Variants in MICAL3 observed in about 807,000 individuals in gnomAD.
MICAL3 encodes the protein [F-actin]-monooxygenase MICAL3.
Under a neutral mutation model 207.4 loss-of-function variants are expected in MICAL3, and 62 were observed. That is an observed-to-expected ratio of 0.30 (90% CI 0.24 to 0.37). The LOEUF (loss-of-function observed/expected upper bound fraction) is 0.37. Among genes scored for constraint, MICAL3 ranks in the 10% least tolerant of loss-of-function variants. The pLI, the probability that MICAL3 is intolerant of heterozygous loss-of-function variation, is 1.00. For synonymous variants in MICAL3, 1,077 were observed against 1,069.3 expected (o/e 1.01, Z -0.14); for missense variants, 2,368 against 2,635.6 (o/e 0.90, Z 2.22).
intron 1 of MICAL3, among the ~76,000 whole-genome samples, chr22:17,915,595 T>C (rs1261838379): frequency 6.6e-6 from 1 of 152,118 alleles, no homozygotes; most frequent in Non-Finnish European, 1.5e-5. Context: ...TGGAACAGAA[T>C]ATGGGGTTTC....
At chr22:17,997,544 C>T (rs1388028894) in intron 1 of MICAL3, among the ~76,000 whole-genome samples, 2 of 152,178 alleles carry the variant, frequency 1.3e-5, no homozygotes, top group African/African-American at 4.8e-5. Context: ...CACCTCCCAT[C>T]AGACCTGGGG....
Position 17,818,878 on chromosome 22 carries a change from G to A in MICAL3, c.3783C>T (p.Cys1261=), listed in dbSNP as rs751825681. ...CCTCGGTGGAAGGCTGGGGCTGGGAGCAGATGGGGAGTGGGCTGGGTGGGG... is the reference window on the plus strand; with the variant it reads ...CCTCGGTGGAAGGCTGGGGCTGGGAACAGATGGGGAGTGGGCTGGGTGGGG... The part of the protein sequence containing the change: ...STPPPSPLPI[C]SQPQPSTEAT... The change falls in exon 26 of 32, where the codon TGC becomes TGT. Residue 1261 remains cysteine (C), a synonymous_variant. Transcript: ENST00000441493. The A allele has an allele frequency of 6.5e-7, 1 of 1,545,056 alleles. No homozygotes were observed. Among genetic ancestry groups the A allele is most frequent in the Non-Finnish European group, 8.8e-7 (1 of 1,142,234 alleles).
rs201198558 is a variant in MICAL3 at position 18,021,206 on chromosome 22, C to T, written c.-75+3075G>A. 1.8e-4 allele frequency among the ~76,000 whole-genome samples: 28 copies of T among 152,260 alleles called. No homozygotes were observed. The East Asian group carries it at 5.0e-3, about 27-fold the overall frequency. On this transcript the variant is annotated intron_variant, in intron 1 of 31. Transcript: ENST00000441493. Reference sequence around the variant, plus strand: ...AGAGAATAGATATTGGTGGTCGTGGCAGGGAGGGGTAATAGAAATGAGATA... The same window carrying T: ...AGAGAATAGATATTGGTGGTCGTGGTAGGGAGGGGTAATAGAAATGAGATA...
chr22:18,001,023 G>A (rs1289204338), intron 1 of MICAL3: 4 of 151,858 alleles, frequency 2.6e-5, no homozygotes, highest in Non-Finnish European at 4.4e-5. Flanking sequence ...CCTCCCGCCT[G>A]AAGCGGGCAG....
At chr22:17,863,277 A>G (rs1382605146) in intron 19 of MICAL3, 6 of 985,292 alleles carry the variant, frequency 6.1e-6, no homozygotes, top group Non-Finnish European at 6.0e-6. Context: ...TGGAAAGTTT[A>G]GTTTCTTTTG....
intron 1 of MICAL3, among the ~76,000 whole-genome samples, chr22:17,975,547 G>C (rs992556948): frequency 1.3e-5 from 2 of 152,032 alleles, no homozygotes; most frequent in East Asian, 3.9e-4. Flanking sequence ...ATACTCACTT[G>C]TTCAGATTAT....
At chr22:17,905,153 G>A (rs1006268031) in intron 2 of MICAL3, among the ~76,000 whole-genome samples, 1 of 152,162 alleles carries the variant, frequency 6.6e-6, no homozygotes, top group East Asian at 1.9e-4. Flanking sequence ...CTCAACAAAC[G>A]ATATGACAAT....
chr22:17,846,272 G>A (rs983873988), intron 19 of MICAL3, among the ~76,000 whole-genome samples: 4 of 152,160 alleles, frequency 2.6e-5, no homozygotes, highest in African/African-American at 7.2e-5. Flanking sequence ...GGCCATTGCC[G>A]GGGGTTCAGT....
chr22:17,926,243 A>C (rs1932922571), intron 1 of MICAL3, among the ~76,000 whole-genome samples: 1 of 152,210 alleles, frequency 6.6e-6, no homozygotes, highest in African/African-American at 2.4e-5. Flanking sequence ...CACCATCCTC[A>C]ACCTTGGCAT....
chr22:17,895,624 A>C (rs1259066041), intron 9 of MICAL3, among the ~76,000 whole-genome samples: 6 of 152,024 alleles, frequency 3.9e-5, no homozygotes, highest in Admixed American at 3.3e-4. Flanking sequence ...CCGAGGAGAG[A>C]GAGCAGGCAC....
At chr22:17,875,853 G>A (rs187691395) in intron 16 of MICAL3, among the ~76,000 whole-genome samples, 12 of 152,296 alleles carry the variant, frequency 7.9e-5, no homozygotes, top group African/African-American at 2.9e-4. Flanking sequence ...GAATGGGTAA[G>A]GCAGCCTGCA....
At chr22:17,798,697 A>G (rs1209403622) in intron 29 of MICAL3, among the ~76,000 whole-genome samples, 11 of 137,346 alleles carry the variant, frequency 8.0e-5, no homozygotes, top group African/African-American at 2.7e-4. Flanking sequence ...TTTTTGAGAC[A>G]GAGTCTCCCT....
At chr22:17,928,406 A>T (rs894933785) in intron 1 of MICAL3, among the ~76,000 whole-genome samples, 23 of 151,424 alleles carry the variant, frequency 1.5e-4, no homozygotes, top group Non-Finnish European at 2.1e-4. Flanking sequence ...ACCACTGCAC[A>T]CCAGCCTGGG....
intron 1 of MICAL3, among the ~76,000 whole-genome samples, chr22:17,974,554 G>A (rs527625050): frequency 6.6e-6 from 1 of 151,684 alleles, no homozygotes; most frequent in East Asian, 1.9e-4. Context: ...GCAAAACCTT[G>A]TCTCTACTAA....
At chr22:18,015,678 C>T (rs148802743) in intron 1 of MICAL3, among the ~76,000 whole-genome samples, 36 of 152,194 alleles carry the variant, frequency 2.4e-4, no homozygotes, top group African/African-American at 7.7e-4. Flanking sequence ...TCCGACCACG[C>T]GCGACCCTAA....
rs916421495 is a variant in MICAL3, at chr22:17,973,063, C to T, written c.-75+51218G>A. ...CAATAGTTCTCAGTTCTTTAAGGAG[C>T]ATCCTGTGACTCCGAGCCTACTTGC... On this transcript the variant is annotated intron_variant, in intron 1 of 31. Transcript: ENST00000441493. 2.6e-5 allele frequency among the ~76,000 whole-genome samples: 4 copies of T among 152,382 alleles called. No individual in the cohort carries two copies. The East Asian group carries it at 5.8e-4, about 22-fold the overall frequency.
At chr22:17,893,709 TCGGCCACTGCCTCGGAC>T in intron 11 of MICAL3, 82 bp downstream of exon 11, 1 of 863,076 alleles carries the variant, frequency 1.2e-6, no homozygotes, top group South Asian at 1.5e-5. Flanking sequence ...AGACAGTACT[TCGGCCACTGCCTCGGAC>T]CGCACCTTGT....
At chr22:17,917,951 G>C (rs1932640760) in intron 1 of MICAL3, among the ~76,000 whole-genome samples, 1 of 152,234 alleles carries the variant, frequency 6.6e-6, no homozygotes, top group Admixed American at 6.5e-5. Context: ...TGAGCACACA[G>C]TGACTCCAGA....
At chr22:17,829,078 G>A (rs1922508863) in intron 21 of MICAL3, among the ~76,000 whole-genome samples, 1 of 152,118 alleles carries the variant, frequency 6.6e-6, no homozygotes, top group South Asian at 2.1e-4. Flanking sequence ...GCCGTATGTG[G>A]AGTATTAGCC....
Sources: gnomAD v4.1 joint callset for allele counts (sites outside exome capture counted in the v4.1 genomes callset) on GRCh38, gnomAD v4.1.1 for gene constraint, MANE v1.5 for transcripts, NCBI Gene and HGNC (gene_info 2026-07-23, HGNC 2026-07-21) for gene names.